The following TSHR variants were observed in gnomAD, a reference collection of about 807,000 sequenced individuals.
The protein encoded by TSHR is thyrotropin receptor.
TSHR carries 51 observed loss-of-function variants against 64.1 expected under a neutral mutation model. The ratio of observed to expected loss-of-function variants is 0.80; its 90% CI spans 0.64 to 1.01. TSHR has a LOEUF of 1.01. Among genes scored for constraint, TSHR ranks in the 50% least tolerant of loss-of-function variants. The probability of loss-of-function intolerance (pLI) is 0.00; values close to 1 mark genes in which losing one functional copy is unlikely to be tolerated. For missense variants in TSHR, 877 were observed against 942.8 expected, an observed-to-expected ratio of 0.93 and a Z score of 0.91; for synonymous variants, 361 against 361.9, an observed-to-expected ratio of 1.00 and a Z score of 0.03.
chr14:80,994,718 C>T (rs1888918759), intron 1 of TSHR: 1 of 152,126 alleles, frequency 6.6e-6, no homozygotes, highest in Non-Finnish European at 1.5e-5. Context: ...ACACCATATA[C>T]AAAAATTAAC....
At chr14:81,085,764 T>C (rs560519522) in intron 3 of TSHR, among the ~76,000 whole-genome samples, 4 of 152,278 alleles carry the variant, frequency 2.6e-5, no homozygotes, top group South Asian at 2.1e-4. Flanking sequence ...AACTCCTGCA[T>C]CTAGTTTACA....
intron 3 of TSHR, chr14:81,078,962 A>G (rs1887697250): frequency 6.6e-6 from 1 of 152,218 alleles, no homozygotes; most frequent in Non-Finnish European, 1.5e-5. Flanking sequence ...ATGTTATTTT[A>G]ACCACTTAAT....
At chr14:80,975,095 G>A (rs1736634352) in intron 1 of TSHR, among the ~76,000 whole-genome samples, 1 of 152,178 alleles carries the variant, frequency 6.6e-6, no homozygotes, top group Non-Finnish European at 1.5e-5. Context: ...AGAACTGTTA[G>A]GAAGACCAAG....
At chr14:81,061,766 G>T (rs1886260306) in intron 1 of TSHR, among the ~76,000 whole-genome samples, 1 of 151,904 alleles carries the variant, frequency 6.6e-6, no homozygotes, top group South Asian at 2.1e-4. Flanking sequence ...TAACAAATCT[G>T]CACATGTACC....
At chr14:81,070,442 C>T (rs1302472023) in intron 3 of TSHR, among the ~76,000 whole-genome samples, 1 of 151,806 alleles carries the variant, frequency 6.6e-6, no homozygotes, top group East Asian at 1.9e-4. Context: ...TCCAGGCCAA[C>T]ATGGTGAAAC....
intron 3 of TSHR, chr14:81,087,556 C>A (rs911442998): frequency 7.0e-6 from 2 of 285,460 alleles, no homozygotes; most frequent in Non-Finnish European, 1.3e-5. Flanking sequence ...CATCCTCCCA[C>A]TCCAACACTC....
intron 1 of TSHR, among the ~76,000 whole-genome samples, chr14:80,960,493 T>C (rs1355517661): frequency 1.3e-5 from 2 of 152,212 alleles, no homozygotes; most frequent in Non-Finnish European, 2.9e-5. Flanking sequence ...GAAACACTGT[T>C]CTAAGAGGAG....
intron 1 of TSHR, among the ~76,000 whole-genome samples, chr14:81,055,120 T>A (rs1349170945): frequency 6.6e-6 from 1 of 152,178 alleles, no homozygotes; most frequent in African/African-American, 2.4e-5. Flanking sequence ...GCATCCCAGC[T>A]GCTCCAGCTG....
At chr14:81,030,204 C>T (rs1179835797) in intron 1 of TSHR, among the ~76,000 whole-genome samples, 5 of 152,094 alleles carry the variant, frequency 3.3e-5, no homozygotes, top group African/African-American at 1.2e-4. Context: ...ACAAAGAAGT[C>T]ACTTTCACAA....
At position 81,144,109 on chromosome 14, in the gene TSHR, C is replaced by A. The variant is rs749143474; in HGVS notation, c.2051C>A (p.Ala684Asp). The change falls in exon 10 of 10, where the codon GCC becomes GAC. Residue 684 changes from alanine (A) to aspartate (D), a missense_variant. Ala to Asp is a moderately radical substitution (Grantham distance 126, BLOSUM62 -2). Transcript: ENST00000298171. ...NPFLYAIFTK[A>D]FQRDVFILLS... ...TTCCTCTATGCTATTTTCACCAAGG[C>A]CTTCCAGAGGGATGTGTTCATCCTA... The A allele has an allele frequency of 1.2e-6, 2 of 1,614,142 alleles. No individual in the cohort carries two copies. Among genetic ancestry groups the A allele is most frequent in the African/African-American group, 2.7e-5 (2 of 75,016 alleles).
chr14:81,087,165 G>A (rs1888343344), intron 3 of TSHR, among the ~76,000 whole-genome samples: 1 of 152,144 alleles, frequency 6.6e-6, no homozygotes, highest in Admixed American at 6.5e-5. Context: ...GGTTCTTTTA[G>A]GTGCCACTCC....
intron 1 of TSHR, chr14:80,992,635 C>A (rs115521786): frequency 6.6e-6 from 1 of 152,126 alleles, no homozygotes; most frequent in African/African-American, 2.4e-5. Flanking sequence ...GAGTGCTTAA[C>A]AAATGCTTGC....
chr14:81,027,036 C>CAAA (rs1417772986), intron 1 of TSHR, among the ~76,000 whole-genome samples: 1 of 76,492 alleles, frequency 1.3e-5, no homozygotes, highest in African/African-American at 3.5e-5. Context: ...AACTCCATCT[C>CAAA]AAAAAAAAAA....
At chr14:81,026,003 T>A (rs145778080) in intron 1 of TSHR, among the ~76,000 whole-genome samples, 136 of 152,262 alleles carry the variant, frequency 8.9e-4, no homozygotes, top group African/African-American at 3.1e-3. Context: ...ACAAGATGGA[T>A]GGCCTCAAGG....
intron 1 of TSHR, among the ~76,000 whole-genome samples, chr14:80,975,213 A>T (rs1259126207): frequency 6.6e-6 from 1 of 152,214 alleles, no homozygotes; most frequent in Non-Finnish European, 1.5e-5. Context: ...ATTTTGAAGA[A>T]CACAAATGTA....
At chr14:80,969,585 G>C (rs1887493524) in intron 1 of TSHR, among the ~76,000 whole-genome samples, 1 of 152,156 alleles carries the variant, frequency 6.6e-6, no homozygotes, top group Admixed American at 6.5e-5. Flanking sequence ...GTCATTTACA[G>C]GAGAAGTATC....
At chr14:81,020,249 G>A (rs552014111) in intron 1 of TSHR, among the ~76,000 whole-genome samples, 6 of 152,192 alleles carry the variant, frequency 3.9e-5, no homozygotes, top group Non-Finnish European at 8.8e-5. Flanking sequence ...AAAAGACTGT[G>A]GGGAATTAGC....
intron 3 of TSHR, among the ~76,000 whole-genome samples, chr14:81,077,027 C>T (rs1327028105): frequency 6.6e-6 from 1 of 150,430 alleles, no homozygotes; most frequent in Non-Finnish European, 1.5e-5. Context: ...ACATTTATTT[C>T]TCTCTCTCTC....
chr14:81,124,500 C>A (rs1890936216), intron 8 of TSHR, among the ~76,000 whole-genome samples: 1 of 152,094 alleles, frequency 6.6e-6, no homozygotes, highest in South Asian at 2.1e-4. Context: ...TCATGCCTCA[C>A]CCCACCTCCC....
Sources: allele counts gnomAD v4.1 joint callset (sites outside exome capture counted in the v4.1 genomes callset), GRCh38; gene constraint gnomAD v4.1.1; transcripts MANE v1.5; gene names NCBI Gene and HGNC (gene_info 2026-07-23, HGNC 2026-07-21).